Variants in CRPPA observed in about 807,000 individuals in gnomAD.
CRPPA encodes the protein CDP-L-ribitol pyrophosphorylase A.
In CRPPA, 43 loss-of-function variants were observed where a neutral mutation model predicts 52.0. The observed-to-expected ratio is 0.83, with a 90% CI of 0.65 to 1.07. CRPPA has a LOEUF of 1.07. CRPPA is among the 50% of genes least tolerant of loss of function. The pLI, the probability that CRPPA is intolerant of heterozygous loss-of-function variation, is 0.00. For synonymous variants in CRPPA, 250 were observed against 203.5 expected, an observed-to-expected ratio of 1.23 and a Z score of -1.94; for missense variants, 629 against 551.7, an observed-to-expected ratio of 1.14 and a Z score of -1.40.
chr7:16,378,899 T>C (rs1350347977), intron 2 of CRPPA, among the ~76,000 whole-genome samples: 4 of 152,240 alleles, frequency 2.6e-5, no homozygotes, highest in Admixed American at 6.5e-5. Context: ...TTTGGCTGCA[T>C]AAACGTCTTC....
intron 9 of CRPPA, among the ~76,000 whole-genome samples, chr7:16,160,191 T>C (rs930052972): frequency 1.3e-5 from 2 of 152,246 alleles, no homozygotes; most frequent in African/African-American, 4.8e-5. Flanking sequence ...TTTGTCAATA[T>C]TGGCTTTTCT....
intron 9 of CRPPA, among the ~76,000 whole-genome samples, chr7:16,198,492 T>A (rs1322405242): frequency 8.6e-6 from 1 of 116,526 alleles, no homozygotes; most frequent in African/African-American, 3.5e-5. Flanking sequence ...TCCCCCTCTT[T>A]GAGAAACACC....
chr7:16,230,067 T>G (rs1409090204), intron 8 of CRPPA, among the ~76,000 whole-genome samples: 1 of 152,168 alleles, frequency 6.6e-6, no homozygotes, highest in Admixed American at 6.6e-5. Context: ...TTTCAGGATC[T>G]TCTTAGTCTT....
At chr7:16,109,259 G>A (rs1270596482) in intron 9 of CRPPA, among the ~76,000 whole-genome samples, 1 of 151,448 alleles carries the variant, frequency 6.6e-6, no homozygotes, top group Admixed American at 6.6e-5. Context: ...AAATACAAAG[G>A]GTAAGAGACT....
chr7:16,309,987 A>G (rs1272918414), intron 3 of CRPPA, among the ~76,000 whole-genome samples: 1 of 152,204 alleles, frequency 6.6e-6, no homozygotes, highest in East Asian at 1.9e-4. Context: ...GATAAAATGA[A>G]ATCATAAAAC....
At chr7:16,403,962 C>T (rs1237246818) in intron 2 of CRPPA, among the ~76,000 whole-genome samples, 2 of 152,114 alleles carry the variant, frequency 1.3e-5, no homozygotes, top group Admixed American at 6.5e-5. Context: ...CAACTGACTC[C>T]ACCATAAAAA....
chr7:16,337,341 T>A (rs892426484), intron 3 of CRPPA, among the ~76,000 whole-genome samples: 2 of 151,976 alleles, frequency 1.3e-5, no homozygotes, highest in African/African-American at 4.8e-5. Flanking sequence ...ATGTGGAAAT[T>A]AAGAAACATG....
chr7:16,327,181 T>G (rs1785418339), intron 3 of CRPPA, among the ~76,000 whole-genome samples: 1 of 152,166 alleles, frequency 6.6e-6, no homozygotes, highest in East Asian at 1.9e-4. Flanking sequence ...TGGAGATATC[T>G]TCAACTCACT....
intron 5 of CRPPA, among the ~76,000 whole-genome samples, chr7:16,289,342 C>T (rs1022325230): frequency 8.5e-5 from 13 of 152,066 alleles, no homozygotes; most frequent in Admixed American, 8.5e-4. Flanking sequence ...GAAATTCTTC[C>T]TAACTCATTA....
intron 9 of CRPPA, among the ~76,000 whole-genome samples, chr7:16,141,149 G>A (rs1456621499): frequency 6.6e-6 from 1 of 152,046 alleles, no homozygotes; most frequent in Non-Finnish European, 1.5e-5. Context: ...TAATTCAAGT[G>A]CCATTGGGAC....
intron 8 of CRPPA, 37 bp downstream of exon 8, chr7:16,258,353 C>G: frequency 7.9e-7 from 1 of 1,272,656 alleles, no homozygotes; most frequent in Non-Finnish European, 1.1e-6. Flanking sequence ...AAGAAGGAAG[C>G]ATAAGTTTGA....
chr7:16,394,486 C>G (rs945764269), intron 2 of CRPPA, among the ~76,000 whole-genome samples: 1 of 152,088 alleles, frequency 6.6e-6, no homozygotes, highest in African/African-American at 2.4e-5. Flanking sequence ...AATGTTTATT[C>G]ATTGGGGGGA....
intron 9 of CRPPA, among the ~76,000 whole-genome samples, chr7:16,162,883 T>G (rs1455494501): frequency 1.3e-5 from 2 of 152,152 alleles, no homozygotes; most frequent in Non-Finnish European, 1.5e-5. Context: ...CATATATATT[T>G]AGGAGAGTTA....
intron 9 of CRPPA, among the ~76,000 whole-genome samples, chr7:16,181,260 GA>G (rs1242534388): frequency 6.6e-6 from 1 of 151,588 alleles, no homozygotes; most frequent in African/African-American, 2.4e-5. Flanking sequence ...GGACTTTTAG[GA>G]AAAAAATTAT....
chr7:16,421,267 CT>C lies in CRPPA; in HGVS notation c.55del (p.Ser19ValfsTer72). On this transcript the variant is annotated frameshift_variant, in exon 1 of 10. Transcript: ENST00000407010. LOFTEE classifies it high-confidence loss of function. ...ARPAEPGPCL[S>X]GQRGADHTAS... ...CGTGTGGTCCGCGCCGCGCTGACCA[CT>C]CAGGCAAGGACCCGGCTCCGCCGGC... The C allele has an allele frequency of 7.7e-7, 1 of 1,307,120 alleles. No individual in the cohort carries two copies. Among genetic ancestry groups the C allele is most frequent in the South Asian group, 2.4e-5 (1 of 41,472 alleles). 81.0% of individuals were successfully genotyped at this position (1,307,120 alleles called of 1,614,324 possible).
At chr7:16,189,297 C>T (rs1477561809) in intron 9 of CRPPA, among the ~76,000 whole-genome samples, 1 of 152,132 alleles carries the variant, frequency 6.6e-6, no homozygotes, top group Admixed American at 6.6e-5. Flanking sequence ...TGAGGCATCA[C>T]AGAACTGGGT....
intron 3 of CRPPA, among the ~76,000 whole-genome samples, chr7:16,362,709 T>A (rs1786488717): frequency 6.6e-6 from 1 of 152,218 alleles, no homozygotes; most frequent in African/African-American, 2.4e-5. Flanking sequence ...TTTGTCATGT[T>A]AGAGAAATTC....
chr7:16,324,205 G>A (rs1330037346), intron 3 of CRPPA, among the ~76,000 whole-genome samples: 1 of 152,204 alleles, frequency 6.6e-6, no homozygotes, highest in Non-Finnish European at 1.5e-5. Flanking sequence ...AGGCCTTCAT[G>A]TCCCTCCCTC....
chr7:16,300,468 G>T (rs1015750089), intron 5 of CRPPA, among the ~76,000 whole-genome samples: 39 of 152,156 alleles, frequency 2.6e-4, no homozygotes, highest in African/African-American at 9.4e-4. Context: ...TGTGTTTCAG[G>T]ATTGGGGTGA....
Sources: gnomAD v4.1 joint callset for allele counts (sites outside exome capture counted in the v4.1 genomes callset) on GRCh38, gnomAD v4.1.1 for gene constraint, MANE v1.5 for transcripts, NCBI Gene and HGNC (gene_info 2026-07-23, HGNC 2026-07-21) for gene names.